TNKS: variants seen among roughly 807,000 people sequenced by gnomAD.
TNKS encodes tankyrase.
A neutral mutation model predicts 135.8 loss-of-function variants in TNKS; 72 were observed. That is an observed-to-expected ratio of 0.53 (90% CI 0.44 to 0.64). TNKS has a LOEUF of 0.64. TNKS is among the 30% of genes least tolerant of loss of function. The probability of loss-of-function intolerance (pLI) is 0.00; values close to 1 mark genes in which losing one functional copy is unlikely to be tolerated. For synonymous variants in TNKS, 849 were observed against 649.3 expected (o/e 1.31, Z -4.68); for missense variants, 1,769 against 1,674.0 (o/e 1.06, Z -0.99).
chr8:9,593,079 C>G (rs1488367590), intron 2 of TNKS, among the ~76,000 whole-genome samples: 1 of 152,118 alleles, frequency 6.6e-6, no homozygotes, highest in African/African-American at 2.4e-5. Context: ...AGATTAAACC[C>G]ATGAATTGCC....
At chr8:9,686,010 G>T (rs1344958013) in intron 5 of TNKS, among the ~76,000 whole-genome samples, 2 of 152,118 alleles carry the variant, frequency 1.3e-5, no homozygotes, top group African/African-American at 2.4e-5. Context: ...GTGGTAGGTT[G>T]TTATTTGGAG....
chr8:9,610,988 C>G (rs1799440049), intron 2 of TNKS, among the ~76,000 whole-genome samples: 1 of 152,196 alleles, frequency 6.6e-6, no homozygotes, highest in African/African-American at 2.4e-5. Flanking sequence ...AACAACATAG[C>G]TAAAGTAATA....
At position 9,781,155 on chromosome 8, in the gene TNKS, C is replaced by G. The variant is rs141256018; in HGVS notation, c.*4419C>G. 4.6e-5 allele frequency: 7 copies of G among 152,204 alleles called. No homozygotes were observed. The highest frequency in any genetic ancestry group is 1.7e-4 in the African/African-American group (7 of 41,452). The allele number at this position is 152,204 out of a possible 1,614,324, so 9.4% of individuals were successfully genotyped here. ...TGCCTCCTCTGAAATAACATTCGCA[C>G]TGTAGATTGCATTTCGGCTTTTCCT... is the stretch of plus-strand genomic sequence containing the variant. On this transcript the variant is annotated 3_prime_UTR_variant, in exon 27 of 27. Transcript: ENST00000310430.
At chr8:9,661,877 A>T (rs1484144950) in intron 3 of TNKS, among the ~76,000 whole-genome samples, 1 of 152,208 alleles carries the variant, frequency 6.6e-6, no homozygotes, top group East Asian at 1.9e-4. Flanking sequence ...AAGAACTCAA[A>T]CAAATGTACA....
At chr8:9,585,025 C>G (rs1001635569) in intron 2 of TNKS, among the ~76,000 whole-genome samples, 1 of 151,940 alleles carries the variant, frequency 6.6e-6, no homozygotes. Context: ...AATCAGAATA[C>G]ATATCCAGGA....
chr8:9,634,692 C>G (rs2128773313), intron 3 of TNKS, among the ~76,000 whole-genome samples: 1 of 152,280 alleles, frequency 6.6e-6, no homozygotes, highest in Non-Finnish European at 1.5e-5. Flanking sequence ...AAACAAACCT[C>G]TATTTCTGCT....
At chr8:9,624,071 C>T (rs2128768711) in intron 3 of TNKS, among the ~76,000 whole-genome samples, 1 of 152,192 alleles carries the variant, frequency 6.6e-6, no homozygotes, top group South Asian at 2.1e-4. Context: ...TGGATAATCT[C>T]ACCACTCTAG....
intron 8 of TNKS, among the ~76,000 whole-genome samples, chr8:9,707,990 C>T (rs1344869864): frequency 1.3e-5 from 2 of 152,138 alleles, no homozygotes; most frequent in African/African-American, 4.8e-5. Flanking sequence ...CCACTGTATA[C>T]TTTCATGTCA....
chr8:9,567,699 G>A (rs949890315), intron 1 of TNKS, among the ~76,000 whole-genome samples: 2 of 152,208 alleles, frequency 1.3e-5, no homozygotes, highest in African/African-American at 4.8e-5. Context: ...TTACAGGCCT[G>A]AGCCACCGCA....
chr8:9,633,923 A>G (rs183562196), intron 3 of TNKS, among the ~76,000 whole-genome samples: 2 of 152,170 alleles, frequency 1.3e-5, no homozygotes, highest in Non-Finnish European at 2.9e-5. Flanking sequence ...ATGCTGAGTC[A>G]GAATCATCCA....
chr8:9,681,522 C>A (rs1437366323), intron 5 of TNKS, among the ~76,000 whole-genome samples: 1 of 151,954 alleles, frequency 6.6e-6, no homozygotes, highest in Non-Finnish European at 1.5e-5. Flanking sequence ...AAAACCAATG[C>A]ACTCTGTACC....
chr8:9,556,319 A>G lies in TNKS; in HGVS notation c.380A>G (p.Asn127Ser), dbSNP rs781575739. The change falls in exon 1 of 27, where the codon AAT (asparagine) becomes AGT (serine). Residue 127 changes from asparagine (N) to serine (S), a missense_variant. Coordinates refer to ENST00000310430, the MANE Select transcript of TNKS (RefSeq NM_003747.3). The stretch of plus-strand genomic sequence containing the variant: ...AACCCAGCCGGCAGTGGCAGTAACA[A>G]TTCACCGTCGTCCTCTTCTTCCCCG... ...APNPAGSGSNNSPSSSSSPTS... is the reference protein window; with the variant it reads ...APNPAGSGSNSSPSSSSSPTS... 4 of 1,614,184 alleles carry G rather than the reference A, an allele frequency of 2.5e-6. No individual in the cohort carries two copies. Among genetic ancestry groups the G allele is most frequent in the Admixed American group, 1.7e-5 (1 of 60,026 alleles).
intron 3 of TNKS, among the ~76,000 whole-genome samples, chr8:9,661,588 A>G (rs1056102198): frequency 1.3e-5 from 2 of 152,190 alleles, no homozygotes; most frequent in African/African-American, 4.8e-5. Flanking sequence ...TTAATTCAAG[A>G]TGGATTAAAG....
At chr8:9,671,232 G>A (rs550314826) in intron 3 of TNKS, 3 of 152,160 alleles carry the variant, frequency 2.0e-5, no homozygotes, top group Non-Finnish European at 4.4e-5. Flanking sequence ...ATATAACCCA[G>A]CAACCCCACT....
intron 3 of TNKS, among the ~76,000 whole-genome samples, chr8:9,663,517 ATTCTG>A (rs1175579924): frequency 5.3e-5 from 8 of 152,116 alleles, no homozygotes; most frequent in African/African-American, 2.4e-5. Context: ...CTATAATTTG[ATTCTG>A]TTCTAACACT....
At chr8:9,660,400 G>C (rs1327714760) in intron 3 of TNKS, among the ~76,000 whole-genome samples, 1 of 152,104 alleles carries the variant, frequency 6.6e-6, no homozygotes, top group Non-Finnish European at 1.5e-5. Context: ...TGATCAAGTG[G>C]GCTTCATCCC....
intron 2 of TNKS, among the ~76,000 whole-genome samples, chr8:9,590,048 G>C (rs1254476787): frequency 6.6e-6 from 1 of 152,166 alleles, no homozygotes; most frequent in Non-Finnish European, 1.5e-5. Flanking sequence ...GCAGAGCATT[G>C]GGGCCCTGTG....
At chr8:9,720,215 T>G (rs1290089887) in intron 11 of TNKS, among the ~76,000 whole-genome samples, 159 bp from the exon 12 acceptor site, 1 of 152,222 alleles carries the variant, frequency 6.6e-6, no homozygotes, top group Non-Finnish European at 1.5e-5. Flanking sequence ...AAGAAGATAG[T>G]TCTTCAGAAT....
chr8:9,669,396 G>A (rs1230284731), intron 3 of TNKS, among the ~76,000 whole-genome samples: 2 of 147,536 alleles, frequency 1.4e-5, no homozygotes, highest in East Asian at 2.0e-4. Context: ...CCGCAGTCCG[G>A]CCTGCGCGAC....
Sources: gnomAD v4.1 joint callset for allele counts (sites outside exome capture counted in the v4.1 genomes callset) on GRCh38, gnomAD v4.1.1 for gene constraint, MANE v1.5 for transcripts, NCBI Gene and HGNC (gene_info 2026-07-23, HGNC 2026-07-21) for gene names.